The following APBB1IP variants were observed in gnomAD, a reference collection of about 807,000 sequenced individuals.
The protein encoded by APBB1IP is amyloid beta precursor protein binding family B member 1 interacting protein.
Under a neutral mutation model 64.9 loss-of-function variants are expected in APBB1IP, and 27 were observed. That is an observed-to-expected ratio of 0.42 (90% CI 0.31 to 0.57). The LOEUF is 0.57. Ranked by LOEUF, APBB1IP falls within the 20% of genes least tolerant of loss-of-function variation. The pLI is 0.20. For missense variants in APBB1IP, 812 were observed against 845.5 expected, an observed-to-expected ratio of 0.96 and a Z score of 0.49; for synonymous variants, 392 against 331.0, an observed-to-expected ratio of 1.18 and a Z score of -2.00.
At chr10:26,495,929 A>G (rs1412402076) in intron 3 of APBB1IP, among the ~76,000 whole-genome samples, 1 of 142,680 alleles carries the variant, frequency 7.0e-6, no homozygotes, top group Non-Finnish European at 1.5e-5. Context: ...TATATAATAT[A>G]TATTTAATAT....
intron 2 of APBB1IP, among the ~76,000 whole-genome samples, chr10:26,451,289 A>C (rs1835462855): frequency 1.3e-5 from 2 of 152,090 alleles, no homozygotes; most frequent in South Asian, 4.1e-4. Flanking sequence ...GGTTCTCACT[A>C]TGTTGCCCAG....
chr10:26,448,983 G>A lies in APBB1IP; in HGVS notation c.-1+10130G>A, dbSNP rs576831130. 3.9e-5 allele frequency among the ~76,000 whole-genome samples: 6 copies of A among 152,150 alleles called. No homozygotes were observed. In the East Asian group the frequency reaches 7.7e-4, roughly 20 times the overall value. On this transcript the variant is annotated intron_variant, in intron 2 of 14. Coordinates refer to ENST00000376236, the MANE Select transcript of APBB1IP (RefSeq NM_019043.4). Reference sequence around the variant, plus strand: ...CATCGACAGCCACTCTCTTTGTGGCGGTTCTCAGCTCCAAAAATACGCCTG... The same window carrying A: ...CATCGACAGCCACTCTCTTTGTGGCAGTTCTCAGCTCCAAAAATACGCCTG...
At chr10:26,521,017 T>C (rs892082016) in intron 8 of APBB1IP, among the ~76,000 whole-genome samples, 13 of 152,238 alleles carry the variant, frequency 8.5e-5, no homozygotes, top group African/African-American at 2.4e-4. Context: ...GGATAACTTG[T>C]CTACATTTGG....
At chr10:26,549,773 A>G (rs1836808233) in intron 11 of APBB1IP, among the ~76,000 whole-genome samples, 1 of 151,654 alleles carries the variant, frequency 6.6e-6, no homozygotes, top group East Asian at 1.9e-4. Context: ...TGTTTTATTA[A>G]TATTTGTGTT....
At chr10:26,476,439 C>G (rs183984578) in intron 2 of APBB1IP, among the ~76,000 whole-genome samples, 2,434 of 81,420 alleles carry the variant, frequency 0.03, 41 homozygotes, top group Non-Finnish European at 0.038. Context: ...AGAGCAAGAC[C>G]CTGTCTCAAA....
intron 6 of APBB1IP, among the ~76,000 whole-genome samples, chr10:26,507,603 T>C (rs890879107): frequency 6.6e-6 from 1 of 152,170 alleles, no homozygotes; most frequent in East Asian, 1.9e-4. Flanking sequence ...TGGATAAACA[T>C]GTAGAATTGA....
chr10:26,517,325 C>G lies in APBB1IP; in HGVS notation c.813+3665C>G, dbSNP rs570607225. On this transcript the variant is annotated intron_variant, in intron 8 of 14. Coordinates refer to ENST00000376236, the MANE Select transcript of APBB1IP (RefSeq NM_019043.4). ...GCATTCAGGGAGTTGCAGCGGCCTT[C>G]CTCCTGGCCCTTCCCAGTCCTTACT... Among the ~76,000 whole-genome samples the G allele has an allele frequency of 2.6e-5, 4 of 152,342 alleles. No homozygotes were observed. The South Asian group carries it at 8.3e-4, about 32-fold the overall frequency.
chr10:26,560,245 G>T, intron 12 of APBB1IP, 42 bp downstream of exon 12: 1 of 1,574,450 alleles, frequency 6.4e-7, no homozygotes, highest in Non-Finnish European at 8.7e-7. Context: ...GAACTTGCCA[G>T]CCAACTTCCT....
At chr10:26,526,581 T>C (rs1489741536) in intron 8 of APBB1IP, among the ~76,000 whole-genome samples, 1 of 152,032 alleles carries the variant, frequency 6.6e-6, no homozygotes, top group Non-Finnish European at 1.5e-5. Context: ...AAGTCGTGCA[T>C]GGCGGCGTGT....
At chr10:26,505,176 A>G (rs787036) in intron 6 of APBB1IP, among the ~76,000 whole-genome samples, 24,125 of 152,070 alleles carry the variant, frequency 0.16, 1,974 homozygotes, top group African/African-American at 0.2. Flanking sequence ...TTCCCATGGC[A>G]CCTATCACAG....
intron 6 of APBB1IP, among the ~76,000 whole-genome samples, chr10:26,510,996 T>C (rs2132445436): frequency 6.6e-6 from 1 of 152,094 alleles, no homozygotes; most frequent in Admixed American, 6.6e-5. Context: ...ACTCTTGGGT[T>C]GCATGAAATG....
chr10:26,553,463 G>A (rs1301743478), intron 11 of APBB1IP, among the ~76,000 whole-genome samples: 1 of 152,102 alleles, frequency 6.6e-6, no homozygotes, highest in Admixed American at 6.5e-5. Flanking sequence ...ACCAACCTGG[G>A]CAACATTGTG....
In APBB1IP at chr10:26,567,321, C is replaced by A; in HGVS notation, c.1834C>A (p.Pro612Thr). The change falls in exon 15 of 15, where the codon CCC (proline) becomes ACC (threonine). Residue 612 changes from proline (P) to threonine (T), a missense_variant. Coordinates refer to ENST00000376236, the MANE Select transcript of APBB1IP (RefSeq NM_019043.4). Reference sequence around the variant, plus strand: ...GCCGCCGCCCGCGCCCGCGCCCGCCCCCGTCCCCGACTCCGCCAGGCCGCC... The same window carrying A: ...GCCGCCGCCCGCGCCCGCGCCCGCCACCGTCCCCGACTCCGCCAGGCCGCC... Reference protein sequence around the residue: ...PPPPPAPAPAPVPDSARPPPA... With the variant: ...PPPPPAPAPATVPDSARPPPA... 7.9e-7 allele frequency: 1 copy of A among 1,270,150 alleles called. No individual in the cohort carries two copies. The highest frequency in any genetic ancestry group is 1.0e-6 in the Non-Finnish European group (1 of 990,474). 78.7% of individuals were successfully genotyped at this position (1,270,150 alleles called of 1,614,324 possible). A position where few individuals can be genotyped will look rare whatever the true frequency, so the allele number is the denominator to read the frequency against.
chr10:26,522,854 A>G (rs1836419833), intron 8 of APBB1IP, among the ~76,000 whole-genome samples: 1 of 151,966 alleles, frequency 6.6e-6, no homozygotes. Flanking sequence ...ACAAAAAAAA[A>G]TTAGCTGGGC....
intron 11 of APBB1IP, among the ~76,000 whole-genome samples, chr10:26,546,403 TA>T (rs1836765997): frequency 6.6e-6 from 1 of 152,226 alleles, no homozygotes; most frequent in African/African-American, 2.4e-5. Context: ...AATTTGCTTT[TA>T]TTTTTTGCCT....
intron 2 of APBB1IP, among the ~76,000 whole-genome samples, chr10:26,459,494 A>G (rs1445470067): frequency 2.0e-5 from 3 of 152,154 alleles, no homozygotes; most frequent in Non-Finnish European, 4.4e-5. Flanking sequence ...CTAGTTCTAG[A>G]TCCCTGAGGA....
intron 2 of APBB1IP, among the ~76,000 whole-genome samples, chr10:26,455,217 G>T (rs1207250835): frequency 2.6e-5 from 4 of 152,180 alleles, no homozygotes; most frequent in Non-Finnish European, 5.9e-5. Context: ...GTAAAGTACT[G>T]TGAGTGTATC....
Position 26,533,520 on chromosome 10 carries a change from C to A in APBB1IP, c.895C>A (p.Leu299Ile). Reference sequence around the variant, plus strand: ...GAATGCTAAGAACAAGGAATCCTTACTTGAGGTAAGGTTAATTTTGCAGAG... The same window carrying A: ...GAATGCTAAGAACAAGGAATCCTTAATTGAGGTAAGGTTAATTTTGCAGAG... ...KMNAKNKESL[L>I]EESFCGTSII... The change falls in exon 9 of 15, where the codon CTT becomes ATT. Residue 299 changes from leucine to isoleucine, a missense_variant. Leu to Ile is a conservative substitution (Grantham distance 5). Around this residue, in one of 3 missense-constraint regions of APBB1IP, gnomAD observed 394 missense variants for 413.1 expected, o/e 0.95. Coordinates refer to ENST00000376236, the MANE Select transcript of APBB1IP (RefSeq NM_019043.4). 6.3e-7 allele frequency: 1 copy of A among 1,595,790 alleles called. No homozygotes were observed. The highest frequency in any genetic ancestry group is 8.5e-7 in the Non-Finnish European group (1 of 1,172,222).
In APBB1IP at chr10:26,511,919, C is replaced by T; in HGVS notation, c.691+13C>T. On this transcript the variant is annotated intron_variant, in intron 7 of 14. Transcript: ENST00000376236. ...GAACTACAAATTGGTAAGTCCCATCCCCAGCAATGGGCTGTACTCCAAAAA... is the reference window on the plus strand; with the variant it reads ...GAACTACAAATTGGTAAGTCCCATCTCCAGCAATGGGCTGTACTCCAAAAA... The T allele has an allele frequency of 1.2e-6, 2 of 1,613,894 alleles. No individual in the cohort carries two copies. Among genetic ancestry groups the T allele is most frequent in the Non-Finnish European group, 1.7e-6 (2 of 1,179,810 alleles).
Sources: allele counts gnomAD v4.1 joint callset (sites outside exome capture counted in the v4.1 genomes callset), GRCh38; gene constraint gnomAD v4.1.1; regional missense constraint gnomAD v4.1.1; transcripts MANE v1.5; gene names NCBI Gene and HGNC (gene_info 2026-07-23, HGNC 2026-07-21).